PACS1: variants seen among roughly 807,000 people sequenced by gnomAD.
PACS1 encodes phosphofurin acidic cluster sorting protein 1, also known as PACS-1.
Under a neutral mutation model 115.0 loss-of-function variants are expected in PACS1, and 24 were observed. The observed-to-expected ratio is 0.21, with a 90% CI of 0.15 to 0.29. PACS1 has a LOEUF of 0.29. Among genes scored for constraint, PACS1 ranks in the 10% least tolerant of loss-of-function variants. The pLI is 1.00. For missense variants in PACS1, 838 were observed against 1,251.2 expected, an observed-to-expected ratio of 0.67 and a Z score of 4.98; for synonymous variants, 453 against 504.5, an observed-to-expected ratio of 0.90 and a Z score of 1.37.
rs1231444227 is a variant in PACS1, at chr11:66,070,662, C to T, written c.176C>T (p.Ser59Phe). The T allele has an allele frequency of 1.3e-6, 2 of 1,568,798 alleles. No individual in the cohort carries two copies. The highest frequency in any genetic ancestry group is 1.1e-5 in the South Asian group (1 of 87,674). The stretch of plus-strand genomic sequence containing the variant: ...GCCCAGGCCACCTCGTCGTCCTCGT[C>T]CACCTCGGCGGCGGCTGCCTCCTCC... ...KLAQATSSSS[S>F]TSAAAASSSS... Residue 59 changes from serine to phenylalanine, a missense_variant, in exon 1 of 24, where the codon TCC (serine) becomes TTC (phenylalanine). Coordinates refer to ENST00000320580, the MANE Select transcript of PACS1 (RefSeq NM_018026.4). This position sits in a 1 kb window ranked among gnomAD's most constrained non-coding sequence, Gnocchi z 5.9.
intron 1 of PACS1, among the ~76,000 whole-genome samples, chr11:66,162,978 C>T (rs1859526628): frequency 6.6e-6 from 1 of 152,070 alleles, no homozygotes; most frequent in Non-Finnish European, 1.5e-5. Flanking sequence ...TGGAGAATAA[C>T]TAGAAATCTA....
rs1406895304 is a variant in PACS1 at position 66,143,688 on chromosome 11, G to C, written c.357-49798G>C. On this transcript the variant is annotated intron_variant, in intron 1 of 23. Transcript: ENST00000320580. ...AGAGTCTTACTCTGTTGCCCAGGCT[G>C]GAGTGCAGTGGCACAATCTCGGCTC... Among the ~76,000 whole-genome samples, 3 of 152,092 alleles carry C rather than the reference G, an allele frequency of 2.0e-5. No homozygotes were observed. The East Asian group carries it at 5.8e-4, about 29-fold the overall frequency.
chr11:66,232,124 G>A (rs1203549451), intron 13 of PACS1, 48 bp from the exon 14 acceptor site: 1 of 1,243,198 alleles, frequency 8.0e-7, no homozygotes, highest in Non-Finnish European at 1.2e-6. Flanking sequence ...CTGTCCTCAG[G>A]CTCCCCAGGG....
intron 1 of PACS1, among the ~76,000 whole-genome samples, chr11:66,151,342 G>A (rs1158608429): frequency 2.6e-5 from 4 of 152,034 alleles, no homozygotes; most frequent in African/African-American, 9.7e-5. Flanking sequence ...CTGGCTTGGG[G>A]TTCAGAGGAA....
intron 11 of PACS1, among the ~76,000 whole-genome samples, chr11:66,228,720 C>T (rs373125999): frequency 5.3e-5 from 8 of 152,142 alleles, no homozygotes; most frequent in South Asian, 4.1e-4. Flanking sequence ...ATGAGGGTGA[C>T]GTCAGCATAC....
intron 2 of PACS1, among the ~76,000 whole-genome samples, chr11:66,200,862 G>T (rs1854773719): frequency 6.6e-6 from 1 of 151,150 alleles, no homozygotes; most frequent in African/African-American, 2.4e-5. Flanking sequence ...TCATTAGCAT[G>T]TGGATCATTC....
chr11:66,188,138 T>C (rs1854429229), intron 1 of PACS1, among the ~76,000 whole-genome samples: 1 of 151,428 alleles, frequency 6.6e-6, no homozygotes, highest in Non-Finnish European at 1.5e-5. Context: ...GTTCAGATCG[T>C]TTGGCGATTT....
At chr11:66,128,003 G>A (rs1244808048) in intron 1 of PACS1, among the ~76,000 whole-genome samples, 1 of 152,102 alleles carries the variant, frequency 6.6e-6, no homozygotes, top group Non-Finnish European at 1.5e-5. Flanking sequence ...GCTTTTTGGG[G>A]ATAGAATCAG....
intron 1 of PACS1, among the ~76,000 whole-genome samples, chr11:66,165,915 A>G (rs140445690): frequency 3.9e-3 from 590 of 152,122 alleles, no homozygotes; most frequent in Admixed American, 0.013. Context: ...CTTCAGAACA[A>G]ACTTCTTCCT....
chr11:66,099,551 TG>T lies in PACS1; in HGVS notation c.356+28716del, dbSNP rs939542563. Reference sequence around the variant, plus strand: ...TCACTTTCTATATCATTTTCTTTTTTGGGGGGGTTTTGAGGGCAGGGTCTGG... The same window carrying T: ...TCACTTTCTATATCATTTTCTTTTTTGGGGGGTTTTGAGGGCAGGGTCTGG... On this transcript the variant is annotated intron_variant, in intron 1 of 23. Transcript: ENST00000320580. 6.6e-5 allele frequency among the ~76,000 whole-genome samples: 10 copies of T among 151,374 alleles called. No individual in the cohort carries two copies. The East Asian group carries it at 1.2e-3, about 18-fold the overall frequency.
intron 1 of PACS1, among the ~76,000 whole-genome samples, chr11:66,097,150 G>C (rs1386988515): frequency 6.6e-6 from 1 of 152,164 alleles, no homozygotes; most frequent in African/African-American, 2.4e-5. Flanking sequence ...AGATTCTGAA[G>C]TGGCCCCCAT....
intron 1 of PACS1, among the ~76,000 whole-genome samples, chr11:66,078,385 TC>T (rs34008283): frequency 0.014 from 2,081 of 152,288 alleles, 39 homozygotes; most frequent in African/African-American, 0.047. Flanking sequence ...TCTGTGTAAC[TC>T]CTCCAAATGA....
intron 1 of PACS1, among the ~76,000 whole-genome samples, chr11:66,153,807 A>C (rs1418706945): frequency 2.6e-5 from 4 of 152,176 alleles, no homozygotes; most frequent in African/African-American, 4.8e-5. Context: ...AAACCTTTTA[A>C]ACATAATATG....
At chr11:66,147,228 GAAACA>G (rs916298103) in intron 1 of PACS1, among the ~76,000 whole-genome samples, 2 of 151,954 alleles carry the variant, frequency 1.3e-5, no homozygotes, top group South Asian at 2.1e-4. Context: ...AAGAAAAAAC[GAAACA>G]AAACAAAATT....
At chr11:66,177,688 G>A (rs1859900775) in intron 1 of PACS1, among the ~76,000 whole-genome samples, 1 of 151,980 alleles carries the variant, frequency 6.6e-6, no homozygotes, top group African/African-American at 2.4e-5. Context: ...ATAGCTCACT[G>A]TAGCCTTGAC....
intron 1 of PACS1, among the ~76,000 whole-genome samples, chr11:66,173,094 TTTTTTTTTTG>T (rs1157900256): frequency 6.6e-6 from 1 of 151,592 alleles, no homozygotes; most frequent in East Asian, 1.9e-4. Context: ...GATTTTGGTT[TTTTTTTTTTG>T]TTTTTTTTTG....
chr11:66,230,767 G>T (rs1445180766), intron 12 of PACS1, 38 bp from the exon 13 acceptor site: 1 of 1,613,708 alleles, frequency 6.2e-7, no homozygotes, highest in East Asian at 2.2e-5. Flanking sequence ...TGGGGTTGGA[G>T]GGGCTATTTC....
At chr11:66,144,099 G>A (rs920861218) in intron 1 of PACS1, among the ~76,000 whole-genome samples, 7 of 152,180 alleles carry the variant, frequency 4.6e-5, no homozygotes, top group East Asian at 1.9e-4. Context: ...TGTGAGATGC[G>A]TATTCATAGA....
At chr11:66,234,698 C>A (rs904408455) in intron 17 of PACS1, among the ~76,000 whole-genome samples, 1 of 152,064 alleles carries the variant, frequency 6.6e-6, no homozygotes, top group Non-Finnish European at 1.5e-5. Context: ...GGCAACATAG[C>A]AAGACCCTGT....
Sources: gnomAD v4.1 joint callset for allele counts (sites outside exome capture counted in the v4.1 genomes callset) on GRCh38, gnomAD v4.1.1 for gene constraint, Gnocchi (gnomAD v3.1) non-coding constraint, MANE v1.5 for transcripts, NCBI Gene and HGNC (gene_info 2026-07-23, HGNC 2026-07-21) for gene names.